The following ATP9B variants were observed in gnomAD, a reference collection of about 807,000 sequenced individuals.
The protein encoded by ATP9B is probable phospholipid-transporting ATPase IIB.
In ATP9B, 110 loss-of-function variants were observed where a neutral mutation model predicts 146.1. The ratio of observed to expected loss-of-function variants is 0.75; its 90% CI spans 0.65 to 0.88. ATP9B has a LOEUF of 0.88. ATP9B is among the 40% of genes least tolerant of loss of function. The probability of loss-of-function intolerance (pLI) is 0.00; values close to 1 mark genes in which losing one functional copy is unlikely to be tolerated. For synonymous variants in ATP9B, 604 were observed against 569.7 expected (o/e 1.06, Z -0.86); for missense variants, 1,499 against 1,496.4 (o/e 1.00, Z -0.03).
At position 79,069,420 on chromosome 18, in the gene ATP9B, C is replaced by G. The variant is rs369332862; in HGVS notation, c.10C>G (p.Gln4Glu). 6 of 1,518,682 alleles carry G rather than the reference C, an allele frequency of 4.0e-6. No homozygotes were observed. The African/African-American group carries it at 8.6e-5, about 22-fold the overall frequency. The allele number at this position is 1,518,682 out of a possible 1,614,324, so 94.1% of individuals were successfully genotyped here. A position where few individuals can be genotyped will look rare whatever the true frequency, so the allele number is the denominator to read the frequency against. MAD[Q>E]IPLYPVRSAA... Reference sequence around the variant, plus strand: ...AAGGGGCGGTCGGAACATGGCGGACCAGATCCCGCTTTACCCGGTGCGTAG... The same window carrying G: ...AAGGGGCGGTCGGAACATGGCGGACGAGATCCCGCTTTACCCGGTGCGTAG... Residue 4 changes from glutamine to glutamate, a missense_variant, in exon 1 of 30, where the codon CAG becomes GAG. Physicochemically the swap from Gln to Glu is conservative, Grantham distance 29. Transcript: ENST00000426216.
intron 13 of ATP9B, among the ~76,000 whole-genome samples, chr18:79,294,043 A>G (rs182831643): frequency 3.2e-4 from 49 of 152,288 alleles, no homozygotes; most frequent in African/African-American, 1.1e-3. Flanking sequence ...TCAGAACTTG[A>G]AATACTACCA....
intron 9 of ATP9B, among the ~76,000 whole-genome samples, chr18:79,203,371 G>A (rs1180764284): frequency 6.6e-6 from 1 of 152,138 alleles, no homozygotes; most frequent in Non-Finnish European, 1.5e-5. Context: ...GAGGTAGGAG[G>A]CTTAGAGTAA....
At chr18:79,334,910 C>T (rs1281586195) in intron 17 of ATP9B, among the ~76,000 whole-genome samples, 3 of 152,084 alleles carry the variant, frequency 2.0e-5, no homozygotes, top group Admixed American at 2.0e-4. Context: ...GCCCAGTCGC[C>T]CACACTGCCT....
chr18:79,170,478 C>T (rs2095053642), intron 7 of ATP9B, among the ~76,000 whole-genome samples: 1 of 152,212 alleles, frequency 6.6e-6, no homozygotes, highest in South Asian at 2.1e-4. Context: ...GTTTGAGTCA[C>T]ACTTTTAGGT....
chr18:79,260,083 G>A (rs1199902064), intron 12 of ATP9B, among the ~76,000 whole-genome samples: 1 of 152,136 alleles, frequency 6.6e-6, no homozygotes, highest in Non-Finnish European at 1.5e-5. Flanking sequence ...AGATAGATTA[G>A]GGGCAGGTGT....
chr18:79,297,275 T>A, intron 13 of ATP9B, among the ~76,000 whole-genome samples: 2 of 121,914 alleles, frequency 1.6e-5, no homozygotes, highest in African/African-American at 6.7e-5. Flanking sequence ...GACAGAGAGA[T>A]GACCCAGAGA....
chr18:79,374,791 C>T (rs1381922145), intron 28 of ATP9B, among the ~76,000 whole-genome samples: 1 of 152,218 alleles, frequency 6.6e-6, no homozygotes, highest in African/African-American at 2.4e-5. Flanking sequence ...TTATAATGTG[C>T]TAGTTATTTT....
chr18:79,290,151 A>G (rs1427233911), intron 13 of ATP9B, among the ~76,000 whole-genome samples: 1 of 152,210 alleles, frequency 6.6e-6, no homozygotes, highest in Non-Finnish European at 1.5e-5. Context: ...CAAAGCTGTC[A>G]GACAGGGACA....
chr18:79,255,074 G>A (rs1276653797), intron 12 of ATP9B: 1 of 152,110 alleles, frequency 6.6e-6, no homozygotes, highest in Non-Finnish European at 1.5e-5. Context: ...TTGGGATGTG[G>A]TAGGGCCTCT....
intron 11 of ATP9B, among the ~76,000 whole-genome samples, chr18:79,242,295 C>T (rs1247305148): frequency 6.6e-6 from 1 of 152,134 alleles, no homozygotes; most frequent in East Asian, 1.9e-4. Context: ...CCTATAGCAC[C>T]ATATTATATT....
At chr18:79,358,736 C>G (rs200197937) in intron 25 of ATP9B, among the ~76,000 whole-genome samples, 1 of 43,720 alleles carries the variant, frequency 2.3e-5, no homozygotes, top group Non-Finnish European at 4.3e-5. Context: ...TGTGAGGGAC[C>G]CTGTGTGAGG....
Position 79,330,003 on chromosome 18 carries a change from C to CT in ATP9B, c.1936-6dup. ...AAATGTGCCTCTGTTTATTTTTGTT[C>CT]TTTGATAGGATGAATCCACGGCAGA... On this transcript the variant is annotated splice_polypyrimidine_tract_variant and intron_variant, in intron 16 of 29. Coordinates refer to ENST00000426216, the MANE Select transcript of ATP9B (RefSeq NM_198531.5). 1 of 1,613,302 alleles carries CT rather than the reference C, an allele frequency of 6.2e-7. No homozygotes were observed. The highest frequency in any genetic ancestry group is 8.5e-7 in the Non-Finnish European group (1 of 1,179,298).
At position 79,376,986 on chromosome 18, in the gene ATP9B, C is replaced by T. The variant is rs548022231; in HGVS notation, c.3308-261C>T. On this transcript the variant is annotated intron_variant, in intron 29 of 29. Transcript: ENST00000426216. The stretch of plus-strand genomic sequence containing the variant: ...AAGTGCTGGGATTATAGGCATGAGC[C>T]ACTGCGCCCGGCCTGCAATCTATAA... 3.3e-5 allele frequency among the ~76,000 whole-genome samples: 5 copies of T among 152,306 alleles called. No homozygotes were observed. The East Asian group carries it at 9.7e-4, about 29-fold the overall frequency.
intron 12 of ATP9B, among the ~76,000 whole-genome samples, chr18:79,275,720 G>A (rs1240251518): frequency 1.3e-5 from 2 of 152,222 alleles, no homozygotes; most frequent in African/African-American, 2.4e-5. Context: ...TGCTGTGTCC[G>A]GCCTTGAGTG....
chr18:79,076,707 G>C (rs981863962), intron 1 of ATP9B, among the ~76,000 whole-genome samples: 1 of 152,130 alleles, frequency 6.6e-6, no homozygotes, highest in African/African-American at 2.4e-5. Flanking sequence ...TGTCAAATCT[G>C]AGAAGTTTGC....
chr18:79,333,211 C>T (rs1318658524), intron 17 of ATP9B, among the ~76,000 whole-genome samples: 3 of 152,152 alleles, frequency 2.0e-5, no homozygotes, highest in Non-Finnish European at 2.9e-5. Context: ...CAGCACTTTT[C>T]CTGGGCAGTG....
chr18:79,287,651 T>G (rs1416121808), intron 13 of ATP9B, among the ~76,000 whole-genome samples: 1 of 151,904 alleles, frequency 6.6e-6, no homozygotes, highest in East Asian at 1.9e-4. Flanking sequence ...TTTCTTGCCT[T>G]CTGCTAGCTT....
chr18:79,266,397 C>T (rs1465847783), intron 12 of ATP9B, among the ~76,000 whole-genome samples: 2 of 147,500 alleles, frequency 1.4e-5, no homozygotes, highest in Non-Finnish European at 3.0e-5. Flanking sequence ...ATAATCATAT[C>T]ATCAGTAAAT....
chr18:79,327,742 C>T (rs144822603), intron 15 of ATP9B, among the ~76,000 whole-genome samples: 1,435 of 135,766 alleles, frequency 0.011, 94 homozygotes, highest in African/African-American at 0.04. Flanking sequence ...GGTTAGCGTG[C>T]TCTCCGTGGT....
Sources: gnomAD v4.1 joint callset for allele counts (sites outside exome capture counted in the v4.1 genomes callset) on GRCh38, gnomAD v4.1.1 for gene constraint, MANE v1.5 for transcripts, NCBI Gene and HGNC (gene_info 2026-07-23, HGNC 2026-07-21) for gene names.